The following MCF2L2 variants were observed in gnomAD, a reference collection of about 807,000 sequenced individuals.
MCF2L2 encodes probable guanine nucleotide exchange factor MCF2L2.
In MCF2L2, 102 loss-of-function variants were observed where a neutral mutation model predicts 150.2. That is an observed-to-expected ratio of 0.68 (90% CI 0.58 to 0.80). The LOEUF (loss-of-function observed/expected upper bound fraction) is 0.80. MCF2L2 is among the 30% of genes least tolerant of loss of function. MCF2L2 has a pLI of 0.00. For synonymous variants in MCF2L2, 465 were observed against 491.3 expected, an observed-to-expected ratio of 0.95 and a Z score of 0.71; for missense variants, 1,256 against 1,372.8, an observed-to-expected ratio of 0.91 and a Z score of 1.34.
At chr3:183,286,954 T>C (rs867781621) in intron 14 of MCF2L2, among the ~76,000 whole-genome samples, 38 of 152,316 alleles carry the variant, frequency 2.5e-4, no homozygotes, top group East Asian at 3.9e-4. Context: ...ACAGTACCCA[T>C]ACTGTTTGGT....
intron 10 of MCF2L2, among the ~76,000 whole-genome samples, chr3:183,304,721 G>T (rs910354430): frequency 1.5e-4 from 22 of 151,428 alleles, no homozygotes; most frequent in Admixed American, 5.9e-4. Context: ...CAATTCACCC[G>T]CCTCGGCCTC....
At chr3:183,398,533 CAT>C (rs1031222792) in intron 1 of MCF2L2, among the ~76,000 whole-genome samples, 6 of 150,830 alleles carry the variant, frequency 4.0e-5, no homozygotes, top group South Asian at 2.1e-4. Context: ...TATTTATAAT[CAT>C]ATGTTATAAA....
chr3:183,282,815 T>G (rs1727577096), intron 14 of MCF2L2, among the ~76,000 whole-genome samples: 1 of 152,202 alleles, frequency 6.6e-6, no homozygotes, highest in Admixed American at 6.5e-5. Flanking sequence ...AAAGCTAGTT[T>G]ACAAATAATT....
intron 15 of MCF2L2, among the ~76,000 whole-genome samples, chr3:183,262,511 A>AC (rs1725705902): frequency 6.6e-6 from 1 of 151,832 alleles, no homozygotes; most frequent in Non-Finnish European, 1.5e-5. Context: ...AGTTTTTGGT[A>AC]CCCCCTTAAA....
intron 1 of MCF2L2, among the ~76,000 whole-genome samples, chr3:183,414,153 C>A (rs67522029): frequency 6.6e-6 from 1 of 152,054 alleles, no homozygotes; most frequent in Non-Finnish European, 1.5e-5. Flanking sequence ...ACAATTGGTA[C>A]GAATTCTTCT....
chr3:183,426,946 GCAA>G (rs1716193539), intron 1 of MCF2L2, among the ~76,000 whole-genome samples: 1 of 152,202 alleles, frequency 6.6e-6, no homozygotes, highest in African/African-American at 2.4e-5. Context: ...ACTAATTGAG[GCAA>G]CATTTAACAT....
At chr3:183,352,430 G>T (rs4859173) in intron 3 of MCF2L2, among the ~76,000 whole-genome samples, 23 of 152,328 alleles carry the variant, frequency 1.5e-4, no homozygotes, top group Non-Finnish European at 2.6e-4. Flanking sequence ...AGCTGAAGCA[G>T]GAGAATTGCT....
At chr3:183,231,548 G>C (rs192777456) in intron 15 of MCF2L2, among the ~76,000 whole-genome samples, 82 of 152,004 alleles carry the variant, frequency 5.4e-4, no homozygotes, top group Non-Finnish European at 9.3e-4. Flanking sequence ...TTGAACTCCC[G>C]GGCTCCAGCA....
intron 1 of MCF2L2, among the ~76,000 whole-genome samples, chr3:183,394,112 G>A (rs1714316414): frequency 6.6e-6 from 1 of 152,220 alleles, no homozygotes; most frequent in African/African-American, 2.4e-5. Flanking sequence ...CAGACCCTGT[G>A]ACATTACTGC....
chr3:183,358,825 G>A (rs904112634), intron 3 of MCF2L2, among the ~76,000 whole-genome samples: 1 of 151,926 alleles, frequency 6.6e-6, no homozygotes, highest in Non-Finnish European at 1.5e-5. Context: ...GGGTCTTGCC[G>A]TGTTGCCCAG....
At chr3:183,286,373 AAGGATGTC>A (rs1449595727) in intron 14 of MCF2L2, among the ~76,000 whole-genome samples, 3 of 152,172 alleles carry the variant, frequency 2.0e-5, no homozygotes, top group Non-Finnish European at 4.4e-5. Flanking sequence ...CTAAGGCCAA[AAGGATGTC>A]AGAATCGCCA....
rs558632141 is a variant in MCF2L2, at chr3:183,366,937, T to G, written c.275+12360A>C. ...TAAAGGTATATGCCACTTCTGTAAA[T>G]AGGGAAAAAAGAAGGGCAATTAGAA... is the stretch of plus-strand genomic sequence containing the variant. On this transcript the variant is annotated intron_variant, in intron 3 of 29. Transcript: ENST00000328913. Among the ~76,000 whole-genome samples, 7 of 151,976 alleles carry G rather than the reference T, an allele frequency of 4.6e-5. 2 individuals carry two copies. Among genetic ancestry groups the G allele is most frequent in the African/African-American group, 1.7e-4 (7 of 41,436 alleles).
intron 7 of MCF2L2, among the ~76,000 whole-genome samples, chr3:183,313,463 C>T (rs6793502): frequency 0.1 from 15,501 of 152,154 alleles, 1,553 homozygotes; most frequent in African/African-American, 0.26. Flanking sequence ...CCCCTTTACA[C>T]TGTTTAAAAA....
chr3:183,421,381 A>C (rs1186724039), intron 1 of MCF2L2, among the ~76,000 whole-genome samples: 1 of 152,170 alleles, frequency 6.6e-6, no homozygotes, highest in Non-Finnish European at 1.5e-5. Context: ...TCTCTATCAA[A>C]TCTATCTTCA....
intron 15 of MCF2L2, among the ~76,000 whole-genome samples, chr3:183,246,089 G>A (rs932301271): frequency 8.5e-5 from 13 of 152,172 alleles, no homozygotes; most frequent in Non-Finnish European, 1.9e-4. Context: ...AGCACTTTAA[G>A]AGATTGATCA....
chr3:183,322,331 T>A (rs567546915), intron 6 of MCF2L2, among the ~76,000 whole-genome samples: 1 of 151,970 alleles, frequency 6.6e-6, no homozygotes, highest in South Asian at 2.1e-4. Context: ...TAGTCCGGGG[T>A]TTCTCAGCAT....
chr3:183,187,114 T>C (rs1721724832), intron 27 of MCF2L2, among the ~76,000 whole-genome samples: 2 of 151,802 alleles, frequency 1.3e-5, no homozygotes, highest in South Asian at 4.2e-4. Context: ...AATACTAGAG[T>C]GCCCCAATAA....
At chr3:183,415,418 C>T (rs1715537188) in intron 1 of MCF2L2, among the ~76,000 whole-genome samples, 1 of 152,168 alleles carries the variant, frequency 6.6e-6, no homozygotes, top group Non-Finnish European at 1.5e-5. Context: ...AACTCCTGAC[C>T]TCAAGTGATC....
chr3:183,401,510 A>G (rs931075426), intron 1 of MCF2L2, among the ~76,000 whole-genome samples: 1 of 152,208 alleles, frequency 6.6e-6, no homozygotes, highest in African/African-American at 2.4e-5. Context: ...GTGAGCTTTG[A>G]CAAAAGAATA....
Sources: gnomAD v4.1 joint callset for allele counts (sites outside exome capture counted in the v4.1 genomes callset) on GRCh38, gnomAD v4.1.1 for gene constraint, MANE v1.5 for transcripts, NCBI Gene and HGNC (gene_info 2026-07-23, HGNC 2026-07-21) for gene names.